The following SLIT2 variants were observed in gnomAD, a reference collection of about 807,000 sequenced individuals.
SLIT2 encodes slit guidance ligand 2.
A neutral mutation model predicts 185.7 loss-of-function variants in SLIT2; 41 were observed. The observed-to-expected ratio is 0.22, with a 90% CI of 0.17 to 0.29. The LOEUF (loss-of-function observed/expected upper bound fraction) is 0.29, where lower values mean the gene tolerates loss of function less well. Ranked by LOEUF, SLIT2 falls within the 10% of genes least tolerant of loss-of-function variation. The pLI is 1.00. For synonymous variants in SLIT2, 693 were observed against 680.2 expected, an observed-to-expected ratio of 1.02 and a Z score of -0.29; for missense variants, 1,571 against 1,909.0, an observed-to-expected ratio of 0.82 and a Z score of 3.30.
At chr4:20,371,765 T>A (rs1354687183) in intron 4 of SLIT2, among the ~76,000 whole-genome samples, 1 of 152,142 alleles carries the variant, frequency 6.6e-6, no homozygotes, top group African/African-American at 2.4e-5. Flanking sequence ...TTTTGCCTAC[T>A]GCATGAATAA....
In SLIT2 at chr4:20,253,973, TC is replaced by T; in HGVS notation, c.163del (p.Arg55AlafsTer8). 6.2e-7 allele frequency: 1 copy of T among 1,602,036 alleles called. No homozygotes were observed. On this transcript the variant is annotated frameshift_variant, in exon 1 of 37. Coordinates refer to ENST00000504154, the MANE Select transcript of SLIT2 (RefSeq NM_004787.4). LOFTEE classifies it high-confidence loss of function. ...GCGCTGCGCAGCGTGCCCAGGAATA[TC>T]CCCCGCAACACCGAGAGACTGTGAG... ...GLALRSVPRN[I>X]PRNTERLDLN...
intron 4 of SLIT2, among the ~76,000 whole-genome samples, chr4:20,329,054 A>T (rs533286256): frequency 2.0e-5 from 3 of 152,082 alleles, no homozygotes; most frequent in Admixed American, 6.6e-5. Flanking sequence ...TGTGTCACAG[A>T]TATCTTCAGC....
intron 4 of SLIT2, among the ~76,000 whole-genome samples, chr4:20,417,584 C>T (rs1415482879): frequency 1.3e-5 from 2 of 151,330 alleles, no homozygotes; most frequent in African/African-American, 4.8e-5. Flanking sequence ...TGCAGTGGTG[C>T]GATCTCAGCT....
intron 34 of SLIT2, among the ~76,000 whole-genome samples, chr4:20,613,461 C>G (rs1437768979): frequency 4.6e-5 from 7 of 152,076 alleles, no homozygotes; most frequent in Non-Finnish European, 1.5e-5. Flanking sequence ...ATGATGAGAA[C>G]ACATGGACAC....
intron 4 of SLIT2, among the ~76,000 whole-genome samples, chr4:20,460,478 A>G (rs1015498930): frequency 6.6e-6 from 1 of 152,186 alleles, no homozygotes; most frequent in African/African-American, 2.4e-5. Flanking sequence ...TCATTTCTGT[A>G]CTGAGAACCT....
chr4:20,293,873 C>G (rs1015878437), intron 4 of SLIT2, among the ~76,000 whole-genome samples: 1 of 151,946 alleles, frequency 6.6e-6, no homozygotes, highest in Non-Finnish European at 1.5e-5. Flanking sequence ...AAGGTCCTCC[C>G]AAGACTCTGT....
At chr4:20,598,080 A>G (rs1358711896) in intron 32 of SLIT2, among the ~76,000 whole-genome samples, 185 bp from the exon 33 acceptor site, 1 of 152,192 alleles carries the variant, frequency 6.6e-6, no homozygotes, top group African/African-American at 2.4e-5. Context: ...TCATGGATTT[A>G]TTTGCAACAA....
chr4:20,519,964 G>C (rs1720676857), intron 12 of SLIT2, among the ~76,000 whole-genome samples: 1 of 149,390 alleles, frequency 6.7e-6, no homozygotes, highest in Admixed American at 6.7e-5. Context: ...AACCAGGGAG[G>C]TGGAGCTTGC....
chr4:20,319,691 G>T (rs1718886785), intron 4 of SLIT2, among the ~76,000 whole-genome samples: 1 of 151,622 alleles, frequency 6.6e-6, no homozygotes, highest in Non-Finnish European at 1.5e-5. Context: ...TTAAAGGAAT[G>T]AATGAAATGA....
At chr4:20,465,221 A>C (rs765047097) in intron 4 of SLIT2, among the ~76,000 whole-genome samples, 1 of 152,198 alleles carries the variant, frequency 6.6e-6, no homozygotes, top group African/African-American at 2.4e-5. Flanking sequence ...TGTTTTCCAC[A>C]TATGTATTTT....
At chr4:20,423,381 G>C (rs943276868) in intron 4 of SLIT2, among the ~76,000 whole-genome samples, 2 of 148,044 alleles carry the variant, frequency 1.4e-5, no homozygotes, top group African/African-American at 2.5e-5. Flanking sequence ...ATTTACCAAA[G>C]TAAAGAACTT....
intron 4 of SLIT2, among the ~76,000 whole-genome samples, chr4:20,280,695 T>C (rs1714663519): frequency 6.6e-6 from 1 of 152,192 alleles, no homozygotes; most frequent in South Asian, 2.1e-4. Context: ...GTGGTGGAGT[T>C]ATTCATGGTA....
intron 4 of SLIT2, among the ~76,000 whole-genome samples, chr4:20,273,999 C>A (rs1002235473): frequency 6.6e-6 from 1 of 152,172 alleles, no homozygotes; most frequent in Non-Finnish European, 1.5e-5. Flanking sequence ...CATTACTCAT[C>A]TAGCGCGCTG....
intron 29 of SLIT2, among the ~76,000 whole-genome samples, chr4:20,585,122 C>T (rs1726948579): frequency 6.6e-6 from 1 of 151,668 alleles, no homozygotes; most frequent in Admixed American, 6.6e-5. Flanking sequence ...CCTCTGTTTA[C>T]AACATGTAGC....
intron 33 of SLIT2, among the ~76,000 whole-genome samples, chr4:20,599,934 G>T (rs1400725604): frequency 6.6e-6 from 1 of 152,180 alleles, no homozygotes; most frequent in Non-Finnish European, 1.5e-5. Flanking sequence ...GCCACTTGTA[G>T]CCATGAATGG....
intron 9 of SLIT2, among the ~76,000 whole-genome samples, chr4:20,497,904 T>G (rs1031491231): frequency 6.6e-6 from 1 of 152,132 alleles, no homozygotes; most frequent in African/African-American, 2.4e-5. Context: ...ACGGGCGTGC[T>G]GGATCACGCC....
At chr4:20,386,898 G>C (rs1724975319) in intron 4 of SLIT2, among the ~76,000 whole-genome samples, 2 of 152,146 alleles carry the variant, frequency 1.3e-5, no homozygotes, top group Admixed American at 1.3e-4. Flanking sequence ...CGGGGTATGT[G>C]GTGGGCTTTT....
At chr4:20,605,398 C>T (rs1385504122) in intron 33 of SLIT2, among the ~76,000 whole-genome samples, 3 of 152,128 alleles carry the variant, frequency 2.0e-5, no homozygotes, top group African/African-American at 7.2e-5. Context: ...GAAAACAAAT[C>T]TCAGGAAATA....
At chr4:20,567,762 T>C (rs879110668) in intron 28 of SLIT2, 147 bp downstream of exon 28, 6 of 647,080 alleles carry the variant, frequency 9.3e-6, no homozygotes, top group African/African-American at 3.7e-5. Context: ...CTCTCGTAGA[T>C]ATTGCAATAT....
Sources: gnomAD v4.1 joint callset for allele counts (sites outside exome capture counted in the v4.1 genomes callset) on GRCh38, gnomAD v4.1.1 for gene constraint, MANE v1.5 for transcripts, NCBI Gene and HGNC (gene_info 2026-07-23, HGNC 2026-07-21) for gene names.